The following CRISPLD2 variants were observed in gnomAD, a reference collection of about 807,000 sequenced individuals.
The protein encoded by CRISPLD2 is cysteine rich secretory protein LCCL domain containing 2, also known as cysteine-rich secretory protein LCCL domain-containing 2.
In CRISPLD2, 47 loss-of-function variants were observed where a neutral mutation model predicts 71.1. The ratio of observed to expected loss-of-function variants is 0.66; its 90% CI spans 0.52 to 0.84. The LOEUF is 0.84. Ranked by LOEUF, CRISPLD2 falls within the 40% of genes least tolerant of loss-of-function variation. The probability of loss-of-function intolerance (pLI) is 0.00; values close to 1 mark genes in which losing one functional copy is unlikely to be tolerated. For missense variants in CRISPLD2, 830 were observed against 651.1 expected (o/e 1.27, Z -2.99); for synonymous variants, 317 against 250.1 (o/e 1.27, Z -2.52).
chr16:84,858,671 C>G (rs747952372), intron 6 of CRISPLD2, among the ~76,000 whole-genome samples: 3 of 152,234 alleles, frequency 2.0e-5, no homozygotes, highest in Non-Finnish European at 4.4e-5. Context: ...CAAGTTCTCT[C>G]TGAATCAGAT....
chr16:84,853,667 C>T (rs914944567), intron 5 of CRISPLD2, among the ~76,000 whole-genome samples: 1 of 152,200 alleles, frequency 6.6e-6, no homozygotes, highest in South Asian at 2.1e-4. Context: ...CTGGCAGGGC[C>T]CCTCCCCATC....
chr16:84,876,751 C>T (rs150002818), intron 11 of CRISPLD2, among the ~76,000 whole-genome samples: 3 of 152,282 alleles, frequency 2.0e-5, no homozygotes, highest in African/African-American at 4.8e-5. Flanking sequence ...AAGATCGTGC[C>T]GTTTCACTCC....
At chr16:84,828,557 C>T (rs1044986255) in intron 1 of CRISPLD2, among the ~76,000 whole-genome samples, 3 of 152,152 alleles carry the variant, frequency 2.0e-5, no homozygotes, top group African/African-American at 7.2e-5. Flanking sequence ...TGCTGTTTAT[C>T]TTTTAAAGCT....
chr16:84,898,165 G>C (rs111367475), intron 14 of CRISPLD2, among the ~76,000 whole-genome samples: 6 of 152,142 alleles, frequency 3.9e-5, no homozygotes, highest in Non-Finnish European at 8.8e-5. Flanking sequence ...CTTTCTTGCC[G>C]ATTTATTTAG....
intron 1 of CRISPLD2, among the ~76,000 whole-genome samples, chr16:84,824,890 G>A (rs904612167): frequency 1.3e-5 from 2 of 151,016 alleles, no homozygotes; most frequent in Non-Finnish European, 3.0e-5. Context: ...GATCACCTGA[G>A]GTCAGGAGTT....
intron 1 of CRISPLD2, 66 bp from the exon 2 acceptor site, chr16:84,838,356 T>C (rs1311784632): frequency 7.8e-6 from 8 of 1,027,946 alleles, no homozygotes; most frequent in Middle Eastern, 6.4e-4. Context: ...CGTTCGCTGC[T>C]CCAGCCAGCG....
In CRISPLD2 at chr16:84,822,988, G is replaced by A. The variant is rs779802772; in HGVS notation, c.-75+2855G>A. On this transcript the variant is annotated intron_variant, in intron 1 of 14. Coordinates refer to ENST00000262424, the MANE Select transcript of CRISPLD2 (RefSeq NM_031476.4). ...TAATTCCAGAGCGTTTCATCATCTCGTAAGGAAACCCCAGGCCCATTAGGC... is the reference window on the plus strand; with the variant it reads ...TAATTCCAGAGCGTTTCATCATCTCATAAGGAAACCCCAGGCCCATTAGGC... 3.3e-5 allele frequency among the ~76,000 whole-genome samples: 5 copies of A among 152,180 alleles called. No individual in the cohort carries two copies. The East Asian group carries it at 5.8e-4, about 18-fold the overall frequency.
At position 84,838,402 on chromosome 16, in the gene CRISPLD2, C is replaced by T; in HGVS notation, c.-74-20C>T. The T allele has an allele frequency of 6.7e-7, 1 of 1,490,764 alleles. No individual in the cohort carries two copies. The highest frequency in any genetic ancestry group is 2.3e-5 in the East Asian group (1 of 44,076). The allele number at this position is 1,490,764 out of a possible 1,614,324, so 92.3% of individuals were successfully genotyped here. On this transcript the variant is annotated intron_variant, in intron 1 of 14. Transcript: ENST00000262424. ...CTCCTACTAATGCGACTTCTCCCAC[C>T]ACCCTCTGCTTCCTTTCAGAGCTCA...
chr16:84,829,541 G>C (rs1413084463), intron 1 of CRISPLD2, among the ~76,000 whole-genome samples: 1 of 152,164 alleles, frequency 6.6e-6, no homozygotes, highest in African/African-American at 2.4e-5. Context: ...TTGTGAGGAA[G>C]GGTAGAGCCT....
intron 14 of CRISPLD2, among the ~76,000 whole-genome samples, chr16:84,894,951 A>G (rs1597484570): frequency 6.6e-6 from 1 of 151,954 alleles, no homozygotes; most frequent in South Asian, 2.1e-4. Context: ...ATACTAAGCT[A>G]TCATTTCCAG....
At chr16:84,880,718 A>AATTT in intron 13 of CRISPLD2, 134 bp downstream of exon 13, 1 of 592,380 alleles carries the variant, frequency 1.7e-6, no homozygotes, top group Admixed American at 2.9e-5. Flanking sequence ...TTAATTAATT[A>AATTT]ATTTCGAGAT....
chr16:84,877,806 C>T (rs763035552), intron 12 of CRISPLD2, among the ~76,000 whole-genome samples: 2 of 151,972 alleles, frequency 1.3e-5, no homozygotes, highest in African/African-American at 2.4e-5. Flanking sequence ...GCTGAGATCA[C>T]GCCATTGTCC....
chr16:84,829,340 G>T (rs372829916), intron 1 of CRISPLD2: 1 of 152,232 alleles, frequency 6.6e-6, no homozygotes, highest in African/African-American at 2.4e-5. Flanking sequence ...CCCACTCACT[G>T]CGTGGTGCTT....
At chr16:84,900,564 G>A (rs1279083141) in intron 14 of CRISPLD2, among the ~76,000 whole-genome samples, 2 of 79,286 alleles carry the variant, frequency 2.5e-5, no homozygotes, top group Non-Finnish European at 4.8e-5. Flanking sequence ...AGCGCTGGGA[G>A]GCATCGCACA....
chr16:84,857,949 C>T (rs1053373484), intron 6 of CRISPLD2, among the ~76,000 whole-genome samples: 7 of 152,194 alleles, frequency 4.6e-5, no homozygotes, highest in African/African-American at 1.7e-4. Context: ...GGTCAGAAAG[C>T]ACCCAGTTCA....
chr16:84,820,181 C>T (rs1376739145), intron 1 of CRISPLD2, 48 bp downstream of exon 1: 2 of 152,192 alleles, frequency 1.3e-5, no homozygotes, highest in East Asian at 3.9e-4. Context: ...GTTACCCCCC[C>T]GAGAAGCTGG....
chr16:84,869,603 G>A (rs12443994), intron 8 of CRISPLD2, among the ~76,000 whole-genome samples: 23,749 of 152,238 alleles, frequency 0.16, 2,273 homozygotes, highest in Admixed American at 0.24. Context: ...TGGTACTGTC[G>A]TTTGTTGGTG....
chr16:84,894,336 C>T (rs2071687539), intron 14 of CRISPLD2, among the ~76,000 whole-genome samples: 1 of 152,182 alleles, frequency 6.6e-6, no homozygotes, highest in South Asian at 2.1e-4. Context: ...CATTTTTTAA[C>T]ACAGATTTTG....
At chr16:84,860,701 G>A (rs1242726255) in intron 6 of CRISPLD2, among the ~76,000 whole-genome samples, 2 of 152,104 alleles carry the variant, frequency 1.3e-5, no homozygotes, top group African/African-American at 4.8e-5. Flanking sequence ...GCTTCAGCAG[G>A]GTCCTCCCAC....
Sources: allele counts gnomAD v4.1 joint callset (sites outside exome capture counted in the v4.1 genomes callset), GRCh38; gene constraint gnomAD v4.1.1; transcripts MANE v1.5; gene names NCBI Gene and HGNC (gene_info 2026-07-23, HGNC 2026-07-21).